The following KAT6A variants were observed in gnomAD, a reference collection of about 807,000 sequenced individuals.
KAT6A encodes the protein lysine acetyltransferase 6A.
KAT6A carries 9 observed loss-of-function variants against 198.4 expected under a neutral mutation model. That is an observed-to-expected ratio of 0.05 (90% CI 0.03 to 0.08). The LOEUF (loss-of-function observed/expected upper bound fraction) is 0.08, where lower values mean the gene tolerates loss of function less well. KAT6A is among the 10% of genes least tolerant of loss of function. The pLI, the probability that KAT6A is intolerant of heterozygous loss-of-function variation, is 1.00. For missense variants in KAT6A, 2,077 were observed against 2,509.9 expected (o/e 0.83, Z 3.69); for synonymous variants, 890 against 883.0 (o/e 1.01, Z -0.14).
At chr8:42,017,559 A>T (rs1462766100) in intron 2 of KAT6A, among the ~76,000 whole-genome samples, 1 of 152,112 alleles carries the variant, frequency 6.6e-6, no homozygotes, top group Non-Finnish European at 1.5e-5. Context: ...GGGTGGGGGG[A>T]TCTAAAGGAA....
At chr8:42,001,100 T>C (rs778877663) in intron 2 of KAT6A, among the ~76,000 whole-genome samples, 11 of 152,174 alleles carry the variant, frequency 7.2e-5, no homozygotes, top group Non-Finnish European at 1.2e-4. Context: ...TAACATAATA[T>C]AGTGTAGAAT....
Position 41,978,796 on chromosome 8 carries a change from C to T in KAT6A, c.908-19G>A, listed in dbSNP as rs369238967. ...CACATGCCTATAAAAAAATAAAATT[C>T]CACATAGAAGTGTGACAGACATAAA... On this transcript the variant is annotated intron_variant, in intron 5 of 16. Transcript: ENST00000265713. 24 of 1,608,742 alleles carry T rather than the reference C, an allele frequency of 1.5e-5. No individual in the cohort carries two copies. In the African/African-American group the frequency reaches 1.7e-4, roughly 12 times the overall value.
At chr8:41,994,247 A>C (rs1825081718) in intron 2 of KAT6A, among the ~76,000 whole-genome samples, 1 of 152,220 alleles carries the variant, frequency 6.6e-6, no homozygotes, top group Admixed American at 6.5e-5. Flanking sequence ...ATCTGTTAAA[A>C]GGTAAATCAA....
rs779606935 is a variant in KAT6A at position 41,942,930 on chromosome 8, C to T, written c.2299G>A (p.Val767Ile). ...CGCAAACATTCTGGATCTACATCTA[C>T]AGGTCGCAAATTCAGCTGAAGCTTT... ...MAKLQLNLRP[V>I]DVDPECLRWT... is the part of the protein sequence containing the mutation. Residue 767 changes from valine to isoleucine, a missense_variant, in exon 14 of 17, where the codon GTA becomes ATA. Transcript: ENST00000265713. The T allele has an allele frequency of 6.8e-6, 11 of 1,614,214 alleles. 1 individual carries two copies. The South Asian group carries it at 1.1e-4, about 16-fold the overall frequency.
At chr8:42,022,900 A>G (rs1286025842) in intron 2 of KAT6A, among the ~76,000 whole-genome samples, 1 of 152,262 alleles carries the variant, frequency 6.6e-6, no homozygotes, top group Non-Finnish European at 1.5e-5. Flanking sequence ...TTTAAGATAC[A>G]GTCATGTGTC....
chr8:41,944,053 T>A, intron 12 of KAT6A, 74 bp from the exon 13 acceptor site: 4 of 938,012 alleles, frequency 4.3e-6, no homozygotes, highest in Non-Finnish European at 6.6e-6. Context: ...AAAATAACAA[T>A]CCCCTCTTCT....
At chr8:42,031,201 C>T (rs770845574) in intron 2 of KAT6A, among the ~76,000 whole-genome samples, 5 of 152,102 alleles carry the variant, frequency 3.3e-5, no homozygotes, top group Non-Finnish European at 4.4e-5. Flanking sequence ...ACAGAATTCT[C>T]GTTTTTGTAC....
rs969302503 is a variant in KAT6A at position 42,008,656 on chromosome 8, A to AT, written c.601-21094dup. 7.2e-5 allele frequency among the ~76,000 whole-genome samples: 11 copies of AT among 151,776 alleles called. No homozygotes were observed. The East Asian group carries it at 1.2e-3, about 16-fold the overall frequency. ...CACTGCGCCTGGCCCCTCGAGTGAC[A>AT]TTTTTTTAACACTGTTCTCAAGAAC... On this transcript the variant is annotated intron_variant, in intron 2 of 16. Transcript: ENST00000265713.
chr8:41,933,120 G>GGGC lies in KAT6A; in HGVS notation c.5097_5099dup (p.Pro1701dup), dbSNP rs1821644701. The GGGC allele has an allele frequency of 6.2e-7, 1 of 1,609,982 alleles. No individual in the cohort carries two copies. Among genetic ancestry groups the GGGC allele is most frequent in the African/African-American group, 1.3e-5 (1 of 74,472 alleles). On this transcript the variant is annotated inframe_insertion, in exon 17 of 17. Transcript: ENST00000265713. This position sits in a 1 kb window ranked among gnomAD's most constrained non-coding sequence, Gnocchi z 6.2. ...TATTCATACTACACTGTGACAGCGG[G>GGGC]GGCTGCTGCTGGGGAGGGGGTGGGG... is the stretch of plus-strand genomic sequence containing the variant.
At chr8:41,967,170 CTT>C (rs1250994128) in intron 8 of KAT6A, among the ~76,000 whole-genome samples, 4 of 151,692 alleles carry the variant, frequency 2.6e-5, no homozygotes, top group Non-Finnish European at 5.9e-5. Flanking sequence ...ACAATGTGCT[CTT>C]TGATATTTTA....
In KAT6A at chr8:41,933,691, G is replaced by A. The variant is rs1281540872; in HGVS notation, c.4529C>T (p.Thr1510Ile). The A allele has an allele frequency of 1.9e-6, 3 of 1,614,092 alleles. No homozygotes were observed. Among genetic ancestry groups the A allele is most frequent in the Admixed American group, 1.7e-5 (1 of 60,010 alleles). The change falls in exon 17 of 17, where the codon ACC (threonine) becomes ATC (isoleucine). Residue 1510 changes from threonine to isoleucine, a missense_variant. Physicochemically the swap from Thr to Ile is moderately conservative, Grantham distance 89. Transcript: ENST00000265713. This position sits in a 1 kb window ranked among gnomAD's most constrained non-coding sequence, Gnocchi z 6.2. ...GGATCCTTGTTCTGGGCTGATCTGG[G>A]TGTAGCCACTCTCAAGGGCAGGCAC... ...PNVPALESGY[T>I]QISPEQGSLS... is the part of the protein sequence containing the mutation.
intron 9 of KAT6A, among the ~76,000 whole-genome samples, chr8:41,953,282 T>C (rs927730001): frequency 1.3e-5 from 2 of 152,142 alleles, no homozygotes; most frequent in Non-Finnish European, 2.9e-5. Flanking sequence ...CTCCCCACCT[T>C]GAGTAGACAA....
intron 2 of KAT6A, among the ~76,000 whole-genome samples, chr8:42,037,384 TCA>T (rs901752580): frequency 2.0e-5 from 3 of 152,134 alleles, no homozygotes; most frequent in Admixed American, 1.3e-4. Context: ...AAGTACAGAA[TCA>T]CACTCCACAC....
chr8:41,942,573 A>G (rs1822193472), intron 14 of KAT6A: 5 of 550,288 alleles, frequency 9.1e-6, no homozygotes, highest in South Asian at 5.0e-5. Flanking sequence ...AACACATTAT[A>G]AGAAATTTGA....
chr8:41,931,728 G>A lies in KAT6A; in HGVS notation c.*477C>T, dbSNP rs184941197. ...AGTCTCCCCTAAGTGCCTCCTGCTGGAATGAAGTAGGAAATGAAAGGTTGG... is the reference window on the plus strand; with the variant it reads ...AGTCTCCCCTAAGTGCCTCCTGCTGAAATGAAGTAGGAAATGAAAGGTTGG... On this transcript the variant is annotated 3_prime_UTR_variant, in exon 17 of 17. Coordinates refer to ENST00000265713, the MANE Select transcript of KAT6A (RefSeq NM_006766.5). The A allele has an allele frequency of 1.9e-4, 37 of 195,738 alleles. No homozygotes were observed. Among genetic ancestry groups the A allele is most frequent in the African/African-American group, 6.5e-4 (28 of 43,342 alleles). 12.1% of individuals were successfully genotyped at this position (195,738 alleles called of 1,614,324 possible). A position where few individuals can be genotyped will look rare whatever the true frequency, so the allele number is the denominator to read the frequency against.
intron 8 of KAT6A, chr8:41,958,509 A>G (rs2150873331): frequency 6.6e-6 from 1 of 152,346 alleles, no homozygotes; most frequent in East Asian, 1.9e-4. Flanking sequence ...CTAAATTCCC[A>G]AAGTTTATGG....
rs367863801 is a variant in KAT6A, at chr8:41,985,633, C to G, written c.709+1822G>C. 4.8e-4 allele frequency among the ~76,000 whole-genome samples: 73 copies of G among 152,276 alleles called. 1 individual carries two copies. The South Asian group carries it at 0.014, about 30-fold the overall frequency. On this transcript the variant is annotated intron_variant, in intron 3 of 16. Transcript: ENST00000265713. ...GCAACTGTTGTGCAGTGGACTCCCC[C>G]CTGCTTGCACCTCTTCCAGATAGAG...
In KAT6A at chr8:41,941,031, C is replaced by T. The variant is rs1319146755; in HGVS notation, c.2850G>A (p.Gln950=). ...TCAGAGCCTCAGGGCTTTTCTTGAG[C>T]TGTCCTCGCCAGGGCTCAACCCCCT... ...LSEGVEPWRG[Q]LKKSPEALKC... The change falls in exon 15 of 17, where the codon CAG becomes CAA. Residue 950 remains glutamine (Q), a synonymous_variant. Coordinates refer to ENST00000265713, the MANE Select transcript of KAT6A (RefSeq NM_006766.5). 6.2e-7 allele frequency: 1 copy of T among 1,614,040 alleles called. No homozygotes were observed. Among genetic ancestry groups the T allele is most frequent in the Non-Finnish European group, 8.5e-7 (1 of 1,180,044 alleles).
chr8:41,942,991 A>C lies in KAT6A; in HGVS notation c.2238T>G (p.Ile746Met). 1 of 1,614,080 alleles carries C rather than the reference A, an allele frequency of 6.2e-7. No individual in the cohort carries two copies. Among genetic ancestry groups the C allele is most frequent in the Non-Finnish European group, 8.5e-7 (1 of 1,180,004 alleles). Reference protein sequence around the residue: ...MLDFRSDQFVIIRREKLIQDH... With the variant: ...MLDFRSDQFVMIRREKLIQDH... ...CCTGGATAAGTTTTTCCCGGCGGAT[A>C]ATCACAAATCTGGAACCAGAGAAAA... Residue 746 changes from isoleucine to methionine, a missense_variant, in exon 14 of 17, where the codon ATT (isoleucine) becomes ATG (methionine). By Grantham distance (10) the Ile-to-Met change is conservative. Around this residue, in one of 13 missense-constraint regions of KAT6A, gnomAD observed 127 missense variants for 209.6 expected, o/e 0.61. Transcript: ENST00000265713.
Sources: allele counts gnomAD v4.1 joint callset (sites outside exome capture counted in the v4.1 genomes callset), GRCh38; gene constraint gnomAD v4.1.1; regional missense constraint gnomAD v4.1.1; non-coding constraint Gnocchi (gnomAD v3.1); transcripts MANE v1.5; gene names NCBI Gene and HGNC (gene_info 2026-07-23, HGNC 2026-07-21).